ELMO1: variants seen among roughly 807,000 people sequenced by gnomAD.
The protein encoded by ELMO1 is engulfment and cell motility protein 1.
Under a neutral mutation model 98.9 loss-of-function variants are expected in ELMO1, and 26 were observed. The ratio of observed to expected loss-of-function variants is 0.26; its 90% CI spans 0.19 to 0.36. The LOEUF is 0.36. ELMO1 is among the 10% of genes least tolerant of loss of function. ELMO1 has a pLI of 1.00. For missense variants in ELMO1, 627 were observed against 935.2 expected (o/e 0.67, Z 4.30); for synonymous variants, 346 against 346.0 (o/e 1.00, Z 0.00).
intron 8 of ELMO1, among the ~76,000 whole-genome samples, chr7:37,230,146 A>G (rs1021969723): frequency 2.6e-5 from 4 of 152,156 alleles, no homozygotes; most frequent in African/African-American, 9.7e-5. Context: ...TTCATTTCAC[A>G]GAAATGTATT....
intron 16 of ELMO1, among the ~76,000 whole-genome samples, chr7:36,920,926 T>C (rs1344446429): frequency 1.3e-5 from 2 of 152,222 alleles, no homozygotes; most frequent in African/African-American, 4.8e-5. Flanking sequence ...TGCTGAAATA[T>C]AGTCCCCAGT....
intron 18 of ELMO1, 72 bp from the exon 19 acceptor site, chr7:36,878,189 A>T: frequency 8.6e-7 from 1 of 1,158,948 alleles, no homozygotes; most frequent in Non-Finnish European, 1.3e-6. Flanking sequence ...GTTATTTCTT[A>T]ATACTCTTGC....
rs34297401 is a variant in ELMO1, at chr7:37,417,660, TCACACA to T, written c.-74+31009_-74+31014del. ...GCCTGGGAGACAGAGTAAGACTCCG[TCACACA>T]CACACACACACACACACAAGCAAAA... On this transcript the variant is annotated intron_variant, in intron 1 of 21. Coordinates refer to ENST00000310758, the MANE Select transcript of ELMO1 (RefSeq NM_014800.11). Among the ~76,000 whole-genome samples, 664 of 109,744 alleles carry T rather than the reference TCACACA, an allele frequency of 6.1e-3. 10 individuals carry two copies. The highest frequency in any genetic ancestry group is 0.018 in the African/African-American group (626 of 34,358). 72.0% of individuals were successfully genotyped at this position (109,744 alleles called of 152,430 possible).
chr7:37,308,457 A>G lies in ELMO1; in HGVS notation c.192+6393T>C, dbSNP rs77260336. ...CACACCATCAATCTAGCCCACTTTA[A>G]GAGGTTCCCATCTATCCTCCCTCCT... On this transcript the variant is annotated intron_variant, in intron 4 of 21. Coordinates refer to ENST00000310758, the MANE Select transcript of ELMO1 (RefSeq NM_014800.11). Among the ~76,000 whole-genome samples the G allele has an allele frequency of 9.0e-3, 1,373 of 152,320 alleles. 23 individuals are homozygous for G. Among genetic ancestry groups the G allele is most frequent in the African/African-American group, 0.032 (1,322 of 41,572 alleles).
intron 16 of ELMO1, among the ~76,000 whole-genome samples, chr7:36,911,355 A>G (rs1371180722): frequency 6.6e-6 from 1 of 152,202 alleles, no homozygotes; most frequent in African/African-American, 2.4e-5. Flanking sequence ...TAAGAAAGAA[A>G]AACGAGACAT....
At chr7:37,297,825 G>C (rs1051673321) in intron 4 of ELMO1, among the ~76,000 whole-genome samples, 3 of 152,082 alleles carry the variant, frequency 2.0e-5, no homozygotes, top group Non-Finnish European at 2.9e-5. Context: ...AATAAAGTAG[G>C]CTGAGTATAC....
rs538932899 is a variant in ELMO1, at chr7:36,978,015, C to T, written c.1437+35284G>A. 9.2e-5 allele frequency among the ~76,000 whole-genome samples: 14 copies of T among 151,740 alleles called. No homozygotes were observed. In the East Asian group the frequency reaches 2.5e-3, roughly 27 times the overall value. ...CTCCATGCAGGTTAATCCATATATA[C>T]TCACAGCTGGGAATCCCAAGGCCTA... On this transcript the variant is annotated intron_variant, in intron 16 of 21. Coordinates refer to ENST00000310758, the MANE Select transcript of ELMO1 (RefSeq NM_014800.11).
chr7:37,217,611 G>C (rs770746499), intron 10 of ELMO1: 165 of 435,282 alleles, frequency 3.8e-4, no homozygotes, highest in Non-Finnish European at 6.8e-4. Flanking sequence ...CATGGGGGGT[G>C]GGGGAGATTT....
chr7:37,265,137 C>G (rs994911563), intron 5 of ELMO1, among the ~76,000 whole-genome samples: 1 of 152,068 alleles, frequency 6.6e-6, no homozygotes, highest in Non-Finnish European at 1.5e-5. Flanking sequence ...CCAGGAGTTC[C>G]TTCATCTTCC....
intron 13 of ELMO1, among the ~76,000 whole-genome samples, chr7:37,164,696 T>C (rs940194433): frequency 5.3e-5 from 8 of 150,370 alleles, no homozygotes; most frequent in African/African-American, 1.9e-4. Flanking sequence ...CATTGATCTA[T>C]ATCTCTGTTT....
At chr7:37,138,121 G>A (rs138107265) in intron 13 of ELMO1, among the ~76,000 whole-genome samples, 5 of 151,912 alleles carry the variant, frequency 3.3e-5, no homozygotes, top group East Asian at 3.9e-4. Flanking sequence ...TGCCTACATC[G>A]GAAGTCTGAA....
intron 1 of ELMO1, among the ~76,000 whole-genome samples, chr7:37,358,535 G>C (rs1485616138): frequency 6.6e-6 from 1 of 152,166 alleles, no homozygotes; most frequent in Admixed American, 6.5e-5. Context: ...TCTGCTGACA[G>C]GTCTGGTAAT....
chr7:37,010,567 CAAG>C (rs1191033573), intron 16 of ELMO1, among the ~76,000 whole-genome samples: 1 of 152,084 alleles, frequency 6.6e-6, no homozygotes, highest in African/African-American at 2.4e-5. Flanking sequence ...TGAAGATGGA[CAAG>C]AAGGACATAA....
chr7:37,317,413 G>A (rs892529308), intron 2 of ELMO1, among the ~76,000 whole-genome samples: 2 of 152,132 alleles, frequency 1.3e-5, no homozygotes, highest in African/African-American at 4.8e-5. Context: ...TCCAAGATTT[G>A]AAAGCAATCT....
intron 16 of ELMO1, among the ~76,000 whole-genome samples, chr7:36,932,389 T>C (rs1275163876): frequency 6.6e-6 from 1 of 152,130 alleles, no homozygotes; most frequent in Non-Finnish European, 1.5e-5. Context: ...AGAAAAAAAG[T>C]GTGTTAGATT....
intron 1 of ELMO1, among the ~76,000 whole-genome samples, chr7:37,351,988 C>T (rs1055313150): frequency 9.9e-5 from 15 of 152,156 alleles, no homozygotes; most frequent in African/African-American, 3.4e-4. Context: ...CACACAGCAC[C>T]GCTTCTCTGA....
intron 2 of ELMO1, among the ~76,000 whole-genome samples, chr7:37,323,320 T>C (rs772730206): frequency 2.0e-5 from 3 of 152,238 alleles, no homozygotes; most frequent in Non-Finnish European, 2.9e-5. Flanking sequence ...AAGAGTTCCT[T>C]TGTTACTTTA....
At chr7:37,430,723 C>G (rs920836754) in intron 1 of ELMO1, among the ~76,000 whole-genome samples, 6 of 152,230 alleles carry the variant, frequency 3.9e-5, no homozygotes, top group African/African-American at 1.4e-4. Flanking sequence ...TGTATGCCGG[C>G]CGAGGCCAAA....
chr7:37,031,573 TATA>T (rs1794885496), intron 15 of ELMO1, among the ~76,000 whole-genome samples: 1 of 152,190 alleles, frequency 6.6e-6, no homozygotes, highest in Non-Finnish European at 1.5e-5. Context: ...GCCCATTCTC[TATA>T]GGCTGAGCCT....
Sources: allele counts gnomAD v4.1 joint callset (sites outside exome capture counted in the v4.1 genomes callset), GRCh38; gene constraint gnomAD v4.1.1; transcripts MANE v1.5; gene names NCBI Gene and HGNC (gene_info 2026-07-23, HGNC 2026-07-21).